The following DIO2 variants were observed in gnomAD, a reference collection of about 807,000 sequenced individuals.
DIO2 encodes the protein iodothyronine deiodinase 2.
A neutral mutation model predicts 21.4 loss-of-function variants in DIO2; 19 were observed. That is an observed-to-expected ratio of 0.89 (90% CI 0.62 to 1.30). The LOEUF (loss-of-function observed/expected upper bound fraction) is 1.30, where lower values mean the gene tolerates loss of function less well. Ranked by LOEUF, DIO2 falls within the 50% of genes most tolerant of loss-of-function variation. The pLI, the probability that DIO2 is intolerant of heterozygous loss-of-function variation, is 0.00. For synonymous variants in DIO2, 122 were observed against 132.9 expected (o/e 0.92, Z 0.57); for missense variants, 302 against 338.1 (o/e 0.89, Z 0.84).
In DIO2 at chr14:80,202,641, G is replaced by A. The variant is rs768610342; in HGVS notation, c.*48C>T. 2 of 1,510,118 alleles carry A rather than the reference G, an allele frequency of 1.3e-6. No individual in the cohort carries two copies. Among genetic ancestry groups the A allele is most frequent in the Non-Finnish European group, 1.8e-6 (2 of 1,128,090 alleles). The allele number at this position is 1,510,118 out of a possible 1,614,324, so 93.5% of individuals were successfully genotyped here. On this transcript the variant is annotated 3_prime_UTR_variant, in exon 2 of 2. Coordinates refer to ENST00000438257, the MANE Select transcript of DIO2 (RefSeq NM_013989.5). ...TATGGATTCAGTTCTTAATTTCCTT[G>A]CCTTTATATAACTTTTTAAAACAAT...
chr14:80,230,738 T>C (rs1888669929), intron 2 of DIO2, among the ~76,000 whole-genome samples: 1 of 152,210 alleles, frequency 6.6e-6, no homozygotes, highest in Non-Finnish European at 1.5e-5. Context: ...GTTATAATCA[T>C]ATTAAGCAGC....
rs2140000059 is a variant in DIO2, at chr14:80,205,370, G to C, written c.223-2082C>G. ...AATGCATTCAGATTAGTCCGTTGTA[G>C]GGACTTCCTGTTAAGTAAGCAACCT... On this transcript the variant is annotated intron_variant, in intron 1 of 1. Coordinates refer to ENST00000438257, the MANE Select transcript of DIO2 (RefSeq NM_013989.5). Among the ~76,000 whole-genome samples the C allele has an allele frequency of 3.3e-5, 5 of 152,190 alleles. No individual in the cohort carries two copies. In the South Asian group the frequency reaches 8.3e-4, roughly 25 times the overall value.
At position 80,200,451 on chromosome 14, in the gene DIO2, G is replaced by C. The variant is rs1386246185; in HGVS notation, c.*2238C>G. On this transcript the variant is annotated 3_prime_UTR_variant, in exon 2 of 2. Coordinates refer to ENST00000438257, the MANE Select transcript of DIO2 (RefSeq NM_013989.5). ...CCCCCACCGGCTTATCTGACATACTGTTACTTTATCGTACATAGAGAAAAA... is the reference window on the plus strand; with the variant it reads ...CCCCCACCGGCTTATCTGACATACTCTTACTTTATCGTACATAGAGAAAAA... 6.6e-6 allele frequency: 1 copy of C among 152,630 alleles called. No individual in the cohort carries two copies. The highest frequency in any genetic ancestry group is 1.9e-4 in the East Asian group (1 of 5,190). The allele number at this position is 152,630 out of a possible 1,614,324, so 9.5% of individuals were successfully genotyped here.
chr14:80,206,192 T>C, intron 1 of DIO2: 1 of 1,231,832 alleles, frequency 8.1e-7, no homozygotes, highest in Non-Finnish European at 1.1e-6. Context: ...ATAAAATTAA[T>C]ATTATTAATA....
At chr14:80,217,514 CA>C (rs978884204) in intron 2 of DIO2, among the ~76,000 whole-genome samples, 9 of 152,106 alleles carry the variant, frequency 5.9e-5, no homozygotes, top group African/African-American at 2.2e-4. Context: ...GACAGGAAAG[CA>C]TTAGGGTGTC....
Position 80,224,496 on chromosome 14 carries a change from TACACACAC to T in DIO2, c.-277-7767_-277-7760del, listed in dbSNP as rs59545805. On this transcript the variant is annotated intron_variant, in intron 2 of 4. Transcript: ENST00000553594. ...TTATAAAATGGAGGTAGAGAGATAC[TACACACAC>T]ACACACACACACACACACACACACA... 3.7e-3 allele frequency among the ~76,000 whole-genome samples: 508 copies of T among 138,470 alleles called. 7 individuals carry two copies. The highest frequency in any genetic ancestry group is 0.012 in the African/African-American group (457 of 37,960). 90.8% of individuals were successfully genotyped at this position (138,470 alleles called of 152,430 possible). A position where few individuals can be genotyped will look rare whatever the true frequency, so the allele number is the denominator to read the frequency against.
At chr14:80,217,440 C>A (rs1888382654) in intron 2 of DIO2, among the ~76,000 whole-genome samples, 1 of 152,162 alleles carries the variant, frequency 6.6e-6, no homozygotes, top group African/African-American at 2.4e-5. Flanking sequence ...GTTTCCATTT[C>A]AATTTTGAAG....
In DIO2 at chr14:80,202,594, A is replaced by G; in HGVS notation, c.*95T>C. ...ATAGATAAACTCCTGTCTTTCAGTA[A>G]GCCAATAGGGCTCTGTTGAAATATG... On this transcript the variant is annotated 3_prime_UTR_variant, in exon 2 of 2. Coordinates refer to ENST00000438257, the MANE Select transcript of DIO2 (RefSeq NM_013989.5). The G allele has an allele frequency of 7.8e-7, 1 of 1,283,832 alleles. No homozygotes were observed. Among genetic ancestry groups the G allele is most frequent in the Non-Finnish European group, 1.1e-6 (1 of 950,778 alleles). 79.5% of individuals were successfully genotyped at this position (1,283,832 alleles called of 1,614,324 possible).
intron 2 of DIO2, among the ~76,000 whole-genome samples, chr14:80,224,202 A>C (rs1157665430): frequency 1.3e-5 from 2 of 152,168 alleles, no homozygotes; most frequent in African/African-American, 4.8e-5. Flanking sequence ...AGGGTGAAGC[A>C]AATTGCCAAA....
chr14:80,200,559 A>T lies in DIO2; in HGVS notation c.*2130T>A, dbSNP rs183228668. On this transcript the variant is annotated 3_prime_UTR_variant, in exon 2 of 2. Transcript: ENST00000438257. ...GCTTTAGGGTTCCACGTAAATCTCAACACCATTTTGAGGTTAAAAATCAAT... is the reference window on the plus strand; with the variant it reads ...GCTTTAGGGTTCCACGTAAATCTCATCACCATTTTGAGGTTAAAAATCAAT... 1 of 152,348 alleles carries T rather than the reference A, an allele frequency of 6.6e-6. No individual in the cohort carries two copies. The allele number at this position is 152,348 out of a possible 1,614,324, so 9.4% of individuals were successfully genotyped here.
chr14:80,207,081 AG>A (rs1481967408), intron 1 of DIO2, among the ~76,000 whole-genome samples: 2 of 152,198 alleles, frequency 1.3e-5, no homozygotes, highest in Non-Finnish European at 1.5e-5. Flanking sequence ...GCACTATTAC[AG>A]TGGTCCTCTC....
At chr14:80,205,930 G>A (rs1021604146) in intron 1 of DIO2, among the ~76,000 whole-genome samples, 10 of 152,078 alleles carry the variant, frequency 6.6e-5, no homozygotes, top group African/African-American at 2.4e-4. Flanking sequence ...AATCATATTT[G>A]GGTGACGGAT....
At position 80,211,397 on chromosome 14, in the gene DIO2, C is replaced by T; in HGVS notation, c.76G>A (p.Ala26Thr). The T allele has an allele frequency of 6.2e-7, 1 of 1,613,516 alleles. No homozygotes were observed. Among genetic ancestry groups the T allele is most frequent in the Non-Finnish European group, 8.5e-7 (1 of 1,179,782 alleles). ...PVFFSNCLFL[A>T]LYDSVILLKH... ...AGCAGAATGACCGAGTCATAGAGAG[C>T]CAGGAAGAGGCAGTTGGAGAAAAAA... The change falls in exon 1 of 2, where the codon GCT becomes ACT. Residue 26 changes from alanine to threonine, a missense_variant. Ala to Thr is a moderately conservative substitution (Grantham distance 58). Transcript: ENST00000438257.
At chr14:80,230,672 G>A (rs1293892467) in intron 2 of DIO2, among the ~76,000 whole-genome samples, 1 of 152,128 alleles carries the variant, frequency 6.6e-6, no homozygotes, top group African/African-American at 2.4e-5. Context: ...AACAGTTCAT[G>A]TCAAGAGCTA....
In DIO2 at chr14:80,203,212, T is replaced by C. The variant is rs373497754; in HGVS notation, c.299A>G (p.Asn100Ser). The C allele has an allele frequency of 4.2e-5, 67 of 1,608,904 alleles. No individual in the cohort carries two copies. The highest frequency in any genetic ancestry group is 5.4e-5 in the Non-Finnish European group (64 of 1,177,716). Residue 100 changes from asparagine to serine, a missense_variant, in exon 2 of 2, where the codon AAT becomes AGT. By Grantham distance (46) the Asn-to-Ser change is conservative. Coordinates refer to ENST00000438257, the MANE Select transcript of DIO2 (RefSeq NM_013989.5). ...SSTEGGDNSG[N>S]GTQEKIAEGA... ...CTCAGCTATCTTCTCCTGGGTACCA[T>C]TGCCACTGTTGTCACCTCCTTCTGT...
chr14:80,206,960 A>C (rs1394393065), intron 1 of DIO2, among the ~76,000 whole-genome samples: 1 of 152,130 alleles, frequency 6.6e-6, no homozygotes, highest in Non-Finnish European at 1.5e-5. Context: ...CATTTCCACT[A>C]ATTGGTCTTG....
chr14:80,229,988 G>A lies in DIO2; in HGVS notation c.-277-13251C>T, dbSNP rs555389118. The stretch of plus-strand genomic sequence containing the variant: ...TAGTTATAGGTCTAGAAGCAAACAG[G>A]GGTGTTGGGGGTAGCTCCTGAGGAG... On this transcript the variant is annotated intron_variant, in intron 2 of 4. Coordinates refer to the DIO2 transcript ENST00000553594. Among the ~76,000 whole-genome samples the A allele has an allele frequency of 3.3e-5, 5 of 152,282 alleles. No homozygotes were observed. The East Asian group carries it at 7.7e-4, about 24-fold the overall frequency.
intron 2 of DIO2, among the ~76,000 whole-genome samples, chr14:80,221,450 A>C (rs776842358): frequency 2.6e-5 from 4 of 152,214 alleles, no homozygotes; most frequent in African/African-American, 4.8e-5. Flanking sequence ...TAACATTTTC[A>C]TAAATTATTG....
chr14:80,211,322 A>G lies in DIO2; in HGVS notation c.151T>C (p.Trp51Arg). 1 of 1,613,162 alleles carries G rather than the reference A, an allele frequency of 6.2e-7. No homozygotes were observed. The highest frequency in any genetic ancestry group is 8.5e-7 in the Non-Finnish European group (1 of 1,179,766). ...CCCTCTGAGGTCAGCATGCGCCGCCACTCTCCGCGAGTGGACTTGGAGCGG... is the reference window on the plus strand; with the variant it reads ...CCCTCTGAGGTCAGCATGCGCCGCCGCTCTCCGCGAGTGGACTTGGAGCGG... ...LSRSKSTRGE[W>R]RRMLTSEGLR... The change falls in exon 1 of 2, where the codon TGG becomes CGG. Residue 51 changes from tryptophan (W) to arginine (R), a missense_variant. Trp to Arg is a moderately radical substitution (Grantham distance 101). Coordinates refer to ENST00000438257, the MANE Select transcript of DIO2 (RefSeq NM_013989.5).
Sources: gnomAD v4.1 joint callset for allele counts (sites outside exome capture counted in the v4.1 genomes callset) on GRCh38, gnomAD v4.1.1 for gene constraint, MANE v1.5 for transcripts, NCBI Gene and HGNC (gene_info 2026-07-23, HGNC 2026-07-21) for gene names.